Variants in MYO7A observed in about 807,000 individuals in gnomAD.
MYO7A encodes the protein myosin VIIA, also known as unconventional myosin-VIIa.
Under a neutral mutation model 263.8 loss-of-function variants are expected in MYO7A, and 210 were observed. The observed-to-expected ratio is 0.80, with a 90% confidence interval of 0.71 to 0.89. The LOEUF is 0.89. Among genes scored for constraint, MYO7A ranks in the 40% least tolerant of loss-of-function variants. The pLI is 0.00. For missense variants in MYO7A, 2,820 were observed against 2,968.3 expected, an observed-to-expected ratio of 0.95 and a Z score of 1.16; for synonymous variants, 1,239 against 1,197.3, an observed-to-expected ratio of 1.03 and a Z score of -0.72.
chr11:77,142,584 C>T, intron 2 of MYO7A, 125 bp from the exon 3 acceptor site: 3 of 827,578 alleles, frequency 3.6e-6, no homozygotes, highest in Non-Finnish European at 6.1e-6. Flanking sequence ...TGTGAGTCCC[C>T]TTCTCTTCCC....
Position 77,155,898 on chromosome 11 carries a change from T to C in MYO7A, c.286-9T>C. ...AATCAGCGAGCTCCCCATCTCTTGC[T>C]GCCCGCAGACGTATACGGGCTCCAT... is the stretch of plus-strand genomic sequence containing the variant. On this transcript the variant is annotated splice_polypyrimidine_tract_variant and intron_variant, in intron 4 of 48. Coordinates refer to ENST00000409709, the MANE Select transcript of MYO7A (RefSeq NM_000260.4). 3 of 1,578,092 alleles carry C rather than the reference T, an allele frequency of 1.9e-6. No individual in the cohort carries two copies. The highest frequency in any genetic ancestry group is 2.6e-6 in the Non-Finnish European group (3 of 1,158,334).
At chr11:77,154,348 A>G (rs1484844643) in intron 4 of MYO7A, among the ~76,000 whole-genome samples, 2 of 152,052 alleles carry the variant, frequency 1.3e-5, no homozygotes, top group Non-Finnish European at 2.9e-5. Context: ...ATAGGGGATG[A>G]TGGCTGAGGG....
At chr11:77,189,581 C>T (rs1417607159) in intron 28 of MYO7A, 111 bp downstream of exon 28, 46 of 1,455,916 alleles carry the variant, frequency 3.2e-5, no homozygotes, top group African/African-American at 4.2e-5. Flanking sequence ...AAGGCCCACC[C>T]GGCCACTCCT....
rs553593361 is a variant in MYO7A at position 77,173,444 on chromosome 11, G to A, written c.1935+559G>A. On this transcript the variant is annotated intron_variant, in intron 16 of 48. Coordinates refer to ENST00000409709, the MANE Select transcript of MYO7A (RefSeq NM_000260.4). ...GGCCCTTTCTGTGTGCCCAGCATAGGCTGGATGGTCAGTCCACAGCCTCCT... is the reference window on the plus strand; with the variant it reads ...GGCCCTTTCTGTGTGCCCAGCATAGACTGGATGGTCAGTCCACAGCCTCCT... Among the ~76,000 whole-genome samples the A allele has an allele frequency of 2.0e-5, 3 of 152,362 alleles. No homozygotes were observed. In the South Asian group the frequency reaches 6.2e-4, roughly 32 times the overall value.
rs762331640 is a variant in MYO7A at position 77,205,529 on chromosome 11, C to T, written c.5548C>T (p.Leu1850Phe). The stretch of plus-strand genomic sequence containing the variant: ...GGGCCTTTTCCCACCCAGCAACATC[C>T]TCCTGCCCCACGTGCAGCGCTTCCT... ...CTGLFPPSNI[L>F]LPHVQRFLQS... The change falls in exon 40 of 49, where the codon CTC becomes TTC. Residue 1850 changes from leucine to phenylalanine, a missense_variant. Leu to Phe is a conservative substitution (Grantham distance 22). Coordinates refer to ENST00000409709, the MANE Select transcript of MYO7A (RefSeq NM_000260.4). The T allele has an allele frequency of 1.9e-6, 3 of 1,607,838 alleles. No individual in the cohort carries two copies. Among genetic ancestry groups the T allele is most frequent in the South Asian group, 2.2e-5 (2 of 89,344 alleles).
intron 35 of MYO7A, among the ~76,000 whole-genome samples, chr11:77,200,587 C>A (rs1220305763): frequency 2.6e-5 from 4 of 152,232 alleles, no homozygotes; most frequent in African/African-American, 9.6e-5. Context: ...TTGGAGGGGA[C>A]AAATATCTAA....
intron 2 of MYO7A, among the ~76,000 whole-genome samples, chr11:77,139,848 G>A (rs913396792): frequency 1.3e-5 from 2 of 152,138 alleles, no homozygotes; most frequent in African/African-American, 4.8e-5. Context: ...GCTGTAAAAT[G>A]AGGATCCTTA....
chr11:77,138,771 A>G lies in MYO7A; in HGVS notation c.19-3938A>G, dbSNP rs1164591358. ...TGGACTGGCTGACCGCTGATGGAAG[A>G]GAAAGCTAGGCCCACTGGTCTCCTC... is the stretch of plus-strand genomic sequence containing the variant. On this transcript the variant is annotated intron_variant, in intron 2 of 48. Coordinates refer to ENST00000409709, the MANE Select transcript of MYO7A (RefSeq NM_000260.4). The surrounding 1 kb of genome is among the most constrained non-coding windows in gnomAD (Gnocchi z 4.9). Among the ~76,000 whole-genome samples, 4 of 152,350 alleles carry G rather than the reference A, an allele frequency of 2.6e-5. No homozygotes were observed. Among genetic ancestry groups the G allele is most frequent in the Middle Eastern group, 3.4e-3 (1 of 294 alleles).
intron 34 of MYO7A, 147 bp from the exon 35 acceptor site, chr11:77,199,388 A>G (rs1956905087): frequency 5.2e-6 from 4 of 770,764 alleles, no homozygotes; most frequent in Non-Finnish European, 7.6e-6. Flanking sequence ...GCAAAGGAGA[A>G]GTAGGCCGGG....
chr11:77,173,808 C>A (rs539582407), intron 16 of MYO7A, among the ~76,000 whole-genome samples: 20 of 152,158 alleles, frequency 1.3e-4, no homozygotes, highest in Admixed American at 1.3e-3. Context: ...AGGCCTGTCC[C>A]CTTTAGGACT....
chr11:77,202,477 C>T, intron 37 of MYO7A, 53 bp downstream of exon 37: 1 of 1,532,292 alleles, frequency 6.5e-7, no homozygotes, highest in Non-Finnish European at 8.8e-7. Flanking sequence ...CTGCAGGCTT[C>T]CGCTACTGTC....
rs373327248 is a variant in MYO7A at position 77,162,921 on chromosome 11, C to T, written c.1623C>T (p.Pro541=). The T allele has an allele frequency of 1.9e-6, 3 of 1,613,760 alleles. No homozygotes were observed. The highest frequency in any genetic ancestry group is 2.7e-5 in the African/African-American group (2 of 74,884). Residue 541 remains proline (P), a synonymous_variant, in exon 14 of 49, where the codon CCC becomes CCT. Coordinates refer to ENST00000409709, the MANE Select transcript of MYO7A (RefSeq NM_000260.4). ...QHKLNANYIP[P]KNNHETQFGI... The stretch of plus-strand genomic sequence containing the variant: ...AGCTCAACGCCAACTACATCCCCCC[C>T]AAGAACAACCATGAGACCCAGTTTG...
chr11:77,182,519 C>A lies in MYO7A; in HGVS notation c.3204C>A (p.Ile1068=). 1 of 1,612,704 alleles carries A rather than the reference C, an allele frequency of 6.2e-7. No individual in the cohort carries two copies. The highest frequency in any genetic ancestry group is 8.5e-7 in the Non-Finnish European group (1 of 1,179,866). ...CCATGAGTGATGGCAGTGAGAAGAT[C>A]CCTGTGATGACCAAGATTTATGAGA... ...HTAMSDGSEK[I]PVMTKIYETL... The change falls in exon 25 of 49, where the codon ATC becomes ATA. Residue 1068 remains isoleucine, a synonymous_variant. Coordinates refer to ENST00000409709, the MANE Select transcript of MYO7A (RefSeq NM_000260.4).
intron 38 of MYO7A, among the ~76,000 whole-genome samples, chr11:77,203,830 G>C (rs1957248039): frequency 6.6e-6 from 1 of 152,206 alleles, no homozygotes. Context: ...CTGGGCAGGG[G>C]GTGGCATGGT....
At chr11:77,204,254 G>T in intron 39 of MYO7A, 25 bp downstream of exon 39, 2 of 1,557,440 alleles carry the variant, frequency 1.3e-6, no homozygotes, top group Non-Finnish European at 1.7e-6. Flanking sequence ...GTGGGCGGAT[G>T]AGGGGCAGAC....
chr11:77,203,891 G>A (rs1957251261), intron 38 of MYO7A, among the ~76,000 whole-genome samples, 185 bp from the exon 39 acceptor site: 2 of 152,174 alleles, frequency 1.3e-5, no homozygotes, highest in Admixed American at 6.5e-5. Context: ...GGCTTGGGAT[G>A]TGGGGCTGGT....
Position 77,179,100 on chromosome 11 carries a change from G to C in MYO7A, c.2338G>C (p.Gly780Arg). ...AATLIQRHWR[G>R]HNCRKNYGLM... ...CACACTGATCCAGAGGCACTGGCGG[G>C]GTCACAACTGTAGGAAGAACTACGG... The change falls in exon 20 of 49, where the codon GGT becomes CGT. Residue 780 changes from glycine to arginine, a missense_variant. Coordinates refer to ENST00000409709, the MANE Select transcript of MYO7A (RefSeq NM_000260.4). 1 of 1,606,578 alleles carries C rather than the reference G, an allele frequency of 6.2e-7. No homozygotes were observed. Among genetic ancestry groups the C allele is most frequent in the South Asian group, 1.1e-5 (1 of 89,600 alleles).
At position 77,177,636 on chromosome 11, in the gene MYO7A, A is replaced by C; in HGVS notation, c.2275A>C (p.Lys759Gln). The change falls in exon 19 of 49, where the codon AAA becomes CAA. Residue 759 changes from lysine to glutamine, a missense_variant. By Grantham distance (53) the Lys-to-Gln change is moderately conservative. Transcript: ENST00000409709. ...ILLQKVIRGF[K>Q]DRSNFLKLKN... ...CCTTCAGAAAGTCATCCGGGGATTC[A>C]AAGACAGGTGCGTGTTCCCACCAGC... is the stretch of plus-strand genomic sequence containing the variant. 6.2e-7 allele frequency: 1 copy of C among 1,608,980 alleles called. No individual in the cohort carries two copies. The highest frequency in any genetic ancestry group is 1.1e-5 in the South Asian group (1 of 89,688).
intron 21 of MYO7A, 41 bp from the exon 22 acceptor site, chr11:77,180,333 T>G (rs782786539): frequency 3.2e-6 from 5 of 1,560,964 alleles, no homozygotes; most frequent in Non-Finnish European, 4.4e-6. Flanking sequence ...CAACAACAGC[T>G]ACACACATTT....
Sources: allele counts gnomAD v4.1 joint callset (sites outside exome capture counted in the v4.1 genomes callset), GRCh38; gene constraint gnomAD v4.1.1; non-coding constraint Gnocchi (gnomAD v3.1); transcripts MANE v1.5; gene names NCBI Gene and HGNC (gene_info 2026-07-23, HGNC 2026-07-21).